Variants in RNLS observed in about 807,000 individuals in gnomAD.
RNLS encodes the protein renalase, FAD dependent amine oxidase, also known as renalase.
RNLS carries 39 observed loss-of-function variants against 39.8 expected under a neutral mutation model. That is an observed-to-expected ratio of 0.98 (90% CI 0.76 to 1.28). RNLS has a LOEUF of 1.28. RNLS is among the 50% of genes most tolerant of loss of function. RNLS has a pLI of 0.00. For synonymous variants in RNLS, 147 were observed against 150.7 expected (o/e 0.98, Z 0.18); for missense variants, 410 against 413.3 (o/e 0.99, Z 0.07).
intron 4 of RNLS, among the ~76,000 whole-genome samples, chr10:88,507,784 T>C (rs1215595472): frequency 6.6e-6 from 1 of 152,132 alleles, no homozygotes; most frequent in East Asian, 1.9e-4. Flanking sequence ...CATTGAGAGT[T>C]CAAAATTACT....
intron 4 of RNLS, among the ~76,000 whole-genome samples, chr10:88,368,699 C>T (rs768458487): frequency 3.3e-5 from 5 of 151,956 alleles, no homozygotes; most frequent in African/African-American, 4.8e-5. Context: ...TTTGGTTAAT[C>T]GTTTCATTAA....
At chr10:88,378,125 C>T (rs1851171494) in intron 4 of RNLS, among the ~76,000 whole-genome samples, 1 of 152,076 alleles carries the variant, frequency 6.6e-6, no homozygotes, top group African/African-American at 2.4e-5. Context: ...CATTAACACA[C>T]ATGAAGCTGT....
intron 4 of RNLS, among the ~76,000 whole-genome samples, chr10:88,564,136 TA>T (rs1386054534): frequency 6.6e-6 from 1 of 152,204 alleles, no homozygotes; most frequent in Non-Finnish European, 1.5e-5. Context: ...CTTTGGTTAT[TA>T]GAGTTTGCCT....
chr10:88,482,602 C>T (rs188553652), intron 4 of RNLS, among the ~76,000 whole-genome samples: 1 of 152,146 alleles, frequency 6.6e-6, no homozygotes, highest in East Asian at 1.9e-4. Flanking sequence ...GTTCTTTGAA[C>T]ATGCTTATAA....
chr10:88,203,456 G>GTATA, the RNLS span, among the ~76,000 whole-genome samples: 15 of 1,202 alleles, frequency 0.012, no homozygotes, highest in Admixed American at 0.044. Flanking sequence ...GTGTGTGTGT[G>GTATA]TATATATATA....
chr10:88,433,460 C>T (rs1243653756), intron 4 of RNLS, among the ~76,000 whole-genome samples: 2 of 152,028 alleles, frequency 1.3e-5, no homozygotes, highest in Non-Finnish European at 2.9e-5. Context: ...CCCTTATCTT[C>T]CTATCGAATT....
intron 4 of RNLS, among the ~76,000 whole-genome samples, chr10:88,556,494 G>A (rs1848884430): frequency 6.6e-6 from 1 of 152,066 alleles, no homozygotes; most frequent in South Asian, 2.1e-4. Flanking sequence ...AGTCACATAA[G>A]GTCTTTCCTG....
At chr10:88,385,578 T>C (rs1001936702) in intron 4 of RNLS, among the ~76,000 whole-genome samples, 6 of 152,188 alleles carry the variant, frequency 3.9e-5, no homozygotes, top group Admixed American at 2.6e-4. Context: ...AAGGAAAAGG[T>C]TGACCCCACC....
At chr10:88,209,390 G>A in the RNLS span, among the ~76,000 whole-genome samples, 1 of 152,130 alleles carries the variant, frequency 6.6e-6, no homozygotes, top group Non-Finnish European at 1.5e-5. Flanking sequence ...GAGACATCCA[G>A]GGACAACACC....
intron 5 of RNLS, among the ~76,000 whole-genome samples, chr10:88,350,328 T>A (rs1428197214): frequency 1.3e-5 from 2 of 152,000 alleles, no homozygotes; most frequent in Non-Finnish European, 2.9e-5. Context: ...ATGTGCTGCA[T>A]CCATTAACTC....
intron 5 of RNLS, among the ~76,000 whole-genome samples, chr10:88,338,282 C>T (rs1420923606): frequency 6.6e-6 from 1 of 152,228 alleles, no homozygotes; most frequent in African/African-American, 2.4e-5. Flanking sequence ...CCTTGAGCCA[C>T]TGTGAATTTT....
At chr10:88,543,592 ACC>A (rs1374474911) in intron 4 of RNLS, among the ~76,000 whole-genome samples, 1 of 152,188 alleles carries the variant, frequency 6.6e-6, no homozygotes, top group East Asian at 1.9e-4. Context: ...GGAAGAGCAA[ACC>A]TAAAATACAC....
chr10:88,572,469 C>T (rs768976807), intron 4 of RNLS, among the ~76,000 whole-genome samples: 4 of 152,156 alleles, frequency 2.6e-5, no homozygotes, highest in African/African-American at 7.2e-5. Flanking sequence ...TCATGCCTCT[C>T]GTTCACAAAA....
intron 4 of RNLS, among the ~76,000 whole-genome samples, chr10:88,451,150 G>C (rs993335264): frequency 2.6e-5 from 4 of 152,198 alleles, no homozygotes; most frequent in African/African-American, 9.7e-5. Context: ...GACTTAAGCA[G>C]TCTGAGTGGC....
At chr10:88,174,582 C>A in the RNLS span, among the ~76,000 whole-genome samples, 1 of 152,122 alleles carries the variant, frequency 6.6e-6, no homozygotes, top group Non-Finnish European at 1.5e-5. Flanking sequence ...AGATGTTGGA[C>A]CATCCTTGCA....
At position 88,536,618 on chromosome 10, in the gene RNLS, C is replaced by T. The variant is rs192963853; in HGVS notation, c.526+36285G>A. Among the ~76,000 whole-genome samples, 260 of 152,308 alleles carry T rather than the reference C, an allele frequency of 1.7e-3. 4 individuals are homozygous for T. The highest frequency in any genetic ancestry group is 6.0e-3 in the African/African-American group (251 of 41,564). ...CTCATTCAGCCTGCTCTGCGTCACA[C>T]TGGCTTCCTTGCCGACTCCCAAATA... is the stretch of plus-strand genomic sequence containing the variant. On this transcript the variant is annotated intron_variant, in intron 4 of 6. Transcript: ENST00000331772.
intron 5 of RNLS, among the ~76,000 whole-genome samples, chr10:88,357,668 C>A: frequency 6.6e-6 from 1 of 152,222 alleles, no homozygotes; most frequent in East Asian, 1.9e-4. Context: ...AGGTAGACTA[C>A]ATTTCCAGCT....
chr10:88,250,088 C>T, the RNLS span, among the ~76,000 whole-genome samples: 1 of 152,208 alleles, frequency 6.6e-6, no homozygotes, highest in African/African-American at 2.4e-5. Context: ...CCAATTAGAG[C>T]TGGTCTTTGT....
At chr10:88,383,550 T>TTGAG (rs748340787) in intron 4 of RNLS, among the ~76,000 whole-genome samples, 79 of 152,304 alleles carry the variant, frequency 5.2e-4, no homozygotes, top group Non-Finnish European at 1.0e-3. Context: ...GATATATCTT[T>TTGAG]TGAGTTCAAA....
Sources: gnomAD v4.1 joint callset for allele counts (sites outside exome capture counted in the v4.1 genomes callset) on GRCh38, gnomAD v4.1.1 for gene constraint, MANE v1.5 for transcripts, NCBI Gene and HGNC (gene_info 2026-07-23, HGNC 2026-07-21) for gene names.